The following HOXB3 variants were observed in gnomAD, a reference collection of about 807,000 sequenced individuals.
HOXB3 encodes the protein homeobox protein Hox-B3.
A neutral mutation model predicts 29.2 loss-of-function variants in HOXB3; 17 were observed. The observed-to-expected ratio is 0.58, with a 90% CI of 0.40 to 0.87. The LOEUF is 0.87. Among genes scored for constraint, HOXB3 ranks in the 40% least tolerant of loss-of-function variants. The probability of loss-of-function intolerance (pLI) is 0.00; values close to 1 mark genes in which losing one functional copy is unlikely to be tolerated. For synonymous variants in HOXB3, 317 were observed against 285.9 expected (o/e 1.11, Z -1.10); for missense variants, 637 against 616.3 (o/e 1.03, Z -0.35).
chr17:48,569,060 T>TC (rs869261219), intron 2 of HOXB3, among the ~76,000 whole-genome samples: 1 of 82,332 alleles, frequency 1.2e-5, no homozygotes, highest in South Asian at 3.7e-4. Context: ...CCTCTCTCTC[T>TC]CCCCCCTCTC....
At chr17:48,579,871 C>A in intron 1 of HOXB3, 1 of 521,334 alleles carries the variant, frequency 1.9e-6, no homozygotes, top group Non-Finnish European at 3.9e-6. Context: ...ACATATTCCC[C>A]TAGATACGAA....
At chr17:48,576,444 CCTT>C (rs1386046653) in intron 1 of HOXB3, 3 of 356,108 alleles carry the variant, frequency 8.4e-6, no homozygotes, top group Admixed American at 8.9e-5. Context: ...TTTCTTTCTT[CCTT>C]CTTCTTGCTT....
chr17:48,551,918 A>G (rs2068764663), intron 4 of HOXB3, 109 bp downstream of exon 4: 1 of 1,029,814 alleles, frequency 9.7e-7, no homozygotes, highest in Non-Finnish European at 1.4e-6. Flanking sequence ...TGGCCACCTA[A>G]TATTGTTCCC....
At chr17:48,557,659 C>T (rs1418306273) in intron 2 of HOXB3, among the ~76,000 whole-genome samples, 4 of 152,224 alleles carry the variant, frequency 2.6e-5, no homozygotes, top group Admixed American at 2.6e-4. Flanking sequence ...CCACCTCCCA[C>T]CTAGAAAGTT....
intron 2 of HOXB3, among the ~76,000 whole-genome samples, chr17:48,558,744 C>T (rs535162738): frequency 2.0e-5 from 3 of 151,994 alleles, no homozygotes; most frequent in Middle Eastern, 3.4e-3. Flanking sequence ...GGGTGGGGGA[C>T]GCCAGAGCAG....
rs773389153 is a variant in HOXB3 at position 48,550,665 on chromosome 17, G to A, written c.965C>T (p.Pro322Leu). 2.6e-6 allele frequency: 4 copies of A among 1,527,550 alleles called. No homozygotes were observed. The highest frequency in any genetic ancestry group is 1.8e-4 in the Middle Eastern group (1 of 5,634). The allele number at this position is 1,527,550 out of a possible 1,614,324, so 94.6% of individuals were successfully genotyped here. ...CTCATACTCGGGCGCCGGGGTCGGA[G>A]GGTACTTCTGCGGGGCGCCGCAGCC... ...LKGCGAPQKY[P>L]PTPAPEYEPH... Residue 322 changes from proline to leucine, a missense_variant, in exon 5 of 5, where the codon CCT becomes CTT. Coordinates refer to ENST00000498678, the MANE Select transcript of HOXB3 (RefSeq NM_001384749.1).
intron 2 of HOXB3, among the ~76,000 whole-genome samples, chr17:48,556,143 G>GT (rs35527404): frequency 0.52 from 76,126 of 146,382 alleles, 20,967 homozygotes; most frequent in Non-Finnish European, 0.61. Context: ...AAGAAGGAGG[G>GT]TTTTTTTTTT....
intron 1 of HOXB3, among the ~76,000 whole-genome samples, chr17:48,585,222 T>G (rs903584456): frequency 3.3e-5 from 5 of 152,082 alleles, no homozygotes; most frequent in African/African-American, 1.2e-4. Context: ...AGCGGTCTCT[T>G]CTATTGGGAT....
intron 3 of HOXB3, 105 bp downstream of exon 3, chr17:48,555,426 C>T: frequency 1.5e-6 from 1 of 675,180 alleles, no homozygotes; most frequent in Non-Finnish European, 2.7e-6. Flanking sequence ...AAGCTTAAAG[C>T]TTGTGAACTC....
intron 1 of HOXB3, 69 bp downstream of exon 1, chr17:48,590,056 A>C (rs1373407418): frequency 6.6e-6 from 1 of 152,176 alleles, no homozygotes; most frequent in African/African-American, 2.4e-5. Flanking sequence ...AGGTGGAAAC[A>C]AGTTTTCTTC....
chr17:48,586,000 G>C (rs942852100), intron 1 of HOXB3, among the ~76,000 whole-genome samples: 1 of 152,188 alleles, frequency 6.6e-6, no homozygotes, highest in Non-Finnish European at 1.5e-5. Context: ...TCCGAGGTCA[G>C]GGATCCAGGG....
chr17:48,551,263 T>C, intron 4 of HOXB3, 82 bp from the exon 5 acceptor site: 1 of 1,231,394 alleles, frequency 8.1e-7, no homozygotes, highest in East Asian at 3.5e-5. Flanking sequence ...GAATGCATCG[T>C]TTCTTAATAA....
At chr17:48,577,760 C>A (rs2069812298) in intron 1 of HOXB3, 3 of 1,044,156 alleles carry the variant, frequency 2.9e-6, no homozygotes, top group Admixed American at 8.2e-5. Flanking sequence ...ATAGCGGGGA[C>A]AATTGGCTTC....
Position 48,579,953 on chromosome 17 carries a change from G to A in HOXB3, c.-424-5939C>T, listed in dbSNP as rs908733236. 7.8e-6 allele frequency: 4 copies of A among 511,608 alleles called. No individual in the cohort carries two copies. The African/African-American group carries it at 7.9e-5, about 10-fold the overall frequency. The allele number at this position is 511,608 out of a possible 1,614,324, so 31.7% of individuals were successfully genotyped here. On this transcript the variant is annotated intron_variant, in intron 1 of 4. Transcript: ENST00000498678. ...ATACAGAAGACAGACAGATCTTCTT[G>A]GCCCAGAAATTTTCCAGTTCTCCTA...
At chr17:48,576,184 G>A (rs552519968) in intron 1 of HOXB3, 6 of 153,142 alleles carry the variant, frequency 3.9e-5, no homozygotes, top group African/African-American at 1.4e-4. Flanking sequence ...TATCGGGAGT[G>A]GGGGACAAAG....
chr17:48,560,740 T>C (rs1050489381), intron 2 of HOXB3, among the ~76,000 whole-genome samples: 8 of 152,230 alleles, frequency 5.3e-5, no homozygotes, highest in Non-Finnish European at 7.3e-5. Flanking sequence ...GCAGGCCTTC[T>C]GTCCTGGCTA....
At position 48,554,635 on chromosome 17, in the gene HOXB3, T is replaced by C. The variant is rs889379983; in HGVS notation, c.-159+896A>G. ...GCGACAAGCTACCAGCCACCTACGA[T>C]GGCCCAAGGAGGCGAAGAAGAGCAA... On this transcript the variant is annotated intron_variant, in intron 3 of 4. Transcript: ENST00000498678. This position sits in a 1 kb window ranked among gnomAD's most constrained non-coding sequence, Gnocchi z 4.1. 1.4e-5 allele frequency: 10 copies of C among 702,050 alleles called. No homozygotes were observed. The highest frequency in any genetic ancestry group is 2.6e-5 in the Non-Finnish European group (10 of 384,744). The allele number at this position is 702,050 out of a possible 1,614,324, so 43.5% of individuals were successfully genotyped here.
chr17:48,560,947 C>T (rs1475346997), intron 2 of HOXB3, among the ~76,000 whole-genome samples: 8 of 152,052 alleles, frequency 5.3e-5, no homozygotes, highest in East Asian at 1.9e-4. Flanking sequence ...GTTGGGAGGC[C>T]GAGGCAGGCG....
rs1246666847 is a variant in HOXB3 at position 48,550,167 on chromosome 17, G to A, written c.*167C>T. The A allele has an allele frequency of 2.4e-5, 20 of 845,974 alleles. No homozygotes were observed. The East Asian group carries it at 5.4e-4, about 23-fold the overall frequency. The allele number at this position is 845,974 out of a possible 1,614,324, so 52.4% of individuals were successfully genotyped here. A position where few individuals can be genotyped will look rare whatever the true frequency, so the allele number is the denominator to read the frequency against. On this transcript the variant is annotated 3_prime_UTR_variant, in exon 5 of 5. Transcript: ENST00000498678. ...GGAACAAGGGGTGGAAGACTTAAAA[G>A]CAACCTCTCAGGCCAGGGGGAAGGG...
Sources: gnomAD v4.1 joint callset for allele counts (sites outside exome capture counted in the v4.1 genomes callset) on GRCh38, gnomAD v4.1.1 for gene constraint, Gnocchi (gnomAD v3.1) non-coding constraint, MANE v1.5 for transcripts, NCBI Gene and HGNC (gene_info 2026-07-23, HGNC 2026-07-21) for gene names.